The following GLG1 variants were observed in gnomAD, a reference collection of about 807,000 sequenced individuals.
GLG1 encodes golgi glycoprotein 1, also known as Golgi apparatus protein 1.
In GLG1, 38 loss-of-function variants were observed where a neutral mutation model predicts 160.5. That is an observed-to-expected ratio of 0.24 (90% CI 0.18 to 0.31). The LOEUF (loss-of-function observed/expected upper bound fraction) is 0.31, where lower values mean the gene tolerates loss of function less well. Among genes scored for constraint, GLG1 ranks in the 10% least tolerant of loss-of-function variants. GLG1 has a pLI of 1.00. For synonymous variants in GLG1, 644 were observed against 543.4 expected, an observed-to-expected ratio of 1.19 and a Z score of -2.57; for missense variants, 1,373 against 1,505.2, an observed-to-expected ratio of 0.91 and a Z score of 1.45.
rs565363181 is a variant in GLG1, at chr16:74,606,583, G to A, written c.438+74C>T. 54 of 1,302,270 alleles carry A rather than the reference G, an allele frequency of 4.1e-5. 1 individual carries two copies. The South Asian group carries it at 7.7e-4, about 19-fold the overall frequency. 80.7% of individuals were successfully genotyped at this position (1,302,270 alleles called of 1,614,324 possible). Reference sequence around the variant, plus strand: ...CAAGGAAAGCAGCCGACCGGCGTCAGCGGCTTCCAAGGCCGGCAACACCCT... The same window carrying A: ...CAAGGAAAGCAGCCGACCGGCGTCAACGGCTTCCAAGGCCGGCAACACCCT... On this transcript the variant is annotated intron_variant, in intron 1 of 25. Transcript: ENST00000422840.
At chr16:74,456,553 G>A (rs1460611868) in intron 25 of GLG1, 96 bp downstream of exon 25, 3 of 773,900 alleles carry the variant, frequency 3.9e-6, no homozygotes, top group Non-Finnish European at 6.8e-6. Context: ...ACAGCGAGGA[G>A]AGTGGCATGG....
Position 74,451,481 on chromosome 16 carries a change from C to T in GLG1, c.*1686G>A, listed in dbSNP as rs1342553233. 1 of 152,304 alleles carries T rather than the reference C, an allele frequency of 6.6e-6. No homozygotes were observed. The highest frequency in any genetic ancestry group is 1.5e-5 in the Non-Finnish European group (1 of 68,088). The allele number at this position is 152,304 out of a possible 1,614,324, so 9.4% of individuals were successfully genotyped here. A position where few individuals can be genotyped will look rare whatever the true frequency, so the allele number is the denominator to read the frequency against. On this transcript the variant is annotated 3_prime_UTR_variant, in exon 26 of 26. Coordinates refer to ENST00000422840, the MANE Select transcript of GLG1 (RefSeq NM_001145667.2). Reference sequence around the variant, plus strand: ...TTGGATCAACTGATCCACAAACTGACACGCCTTGTACTGAACACCCTTCAG... The same window carrying T: ...TTGGATCAACTGATCCACAAACTGATACGCCTTGTACTGAACACCCTTCAG...
intron 4 of GLG1, 32 bp downstream of exon 4, chr16:74,503,499 C>T (rs775426338): frequency 7.2e-7 from 1 of 1,387,134 alleles, no homozygotes; most frequent in Non-Finnish European, 1.0e-6. Flanking sequence ...ATTTTAAGAC[C>T]CCTTTGTTGA....
At chr16:74,494,687 G>A (rs2016123114) in intron 6 of GLG1, 73 bp downstream of exon 6, 1 of 708,130 alleles carries the variant, frequency 1.4e-6, no homozygotes, top group African/African-American at 1.8e-5. Flanking sequence ...TTACAGGCGT[G>A]AGCCACCGTG....
chr16:74,472,423 T>A lies in GLG1; in HGVS notation c.2053-12A>T, dbSNP rs1169908298. 2 of 1,576,850 alleles carry A rather than the reference T, an allele frequency of 1.3e-6. No homozygotes were observed. The highest frequency in any genetic ancestry group is 1.7e-6 in the Non-Finnish European group (2 of 1,146,950). On this transcript the variant is annotated splice_polypyrimidine_tract_variant and intron_variant, in intron 13 of 25. Coordinates refer to ENST00000422840, the MANE Select transcript of GLG1 (RefSeq NM_001145667.2). The stretch of plus-strand genomic sequence containing the variant: ...TCTATTTGAATATCCTGTAGAAAAT[T>A]AAATATATTAATACTTCTGCTTTAG...
intron 12 of GLG1, 64 bp from the exon 13 acceptor site, chr16:74,474,696 A>G (rs2015334932): frequency 4.9e-6 from 4 of 812,530 alleles, no homozygotes; most frequent in African/African-American, 1.7e-5. Flanking sequence ...GCAAGGGGAG[A>G]TATCAGCGTC....
intron 8 of GLG1, among the ~76,000 whole-genome samples, chr16:74,489,403 G>A (rs2143364293): frequency 6.6e-6 from 1 of 152,024 alleles, no homozygotes; most frequent in South Asian, 2.1e-4. Context: ...CCCGGGAGGT[G>A]GATGCTGCTA....
intron 1 of GLG1, among the ~76,000 whole-genome samples, chr16:74,586,397 T>A (rs1024579380): frequency 6.6e-6 from 1 of 152,186 alleles, no homozygotes; most frequent in Non-Finnish European, 1.5e-5. Flanking sequence ...TTAGCTCAAC[T>A]CAATTACAAG....
At chr16:74,584,214 G>C (rs1012521617) in intron 1 of GLG1, among the ~76,000 whole-genome samples, 5 of 152,110 alleles carry the variant, frequency 3.3e-5, no homozygotes, top group Non-Finnish European at 5.9e-5. Flanking sequence ...CATTTCAATA[G>C]ACAGCCAGCT....
Position 74,600,369 on chromosome 16 carries a change from C to A in GLG1, c.438+6288G>T, listed in dbSNP as rs150537906. On this transcript the variant is annotated intron_variant, in intron 1 of 25. Transcript: ENST00000422840. ...GATCATGCCACTGCACTCCAGCCAG[C>A]CTGGGAGATAGAGTAAGACTTTCAA... 1.1e-4 allele frequency among the ~76,000 whole-genome samples: 16 copies of A among 150,216 alleles called. No individual in the cohort carries two copies. In the East Asian group the frequency reaches 2.6e-3, roughly 24 times the overall value.
chr16:74,541,869 T>C (rs1255109176), intron 1 of GLG1, among the ~76,000 whole-genome samples: 1 of 151,576 alleles, frequency 6.6e-6, no homozygotes, highest in Admixed American at 6.6e-5. Context: ...TTTTATACCA[T>C]GTGTAAGAAA....
At chr16:74,585,899 C>T (rs1405497841) in intron 1 of GLG1, among the ~76,000 whole-genome samples, 1 of 151,776 alleles carries the variant, frequency 6.6e-6, no homozygotes, top group Non-Finnish European at 1.5e-5. Flanking sequence ...CCTGTTCCTA[C>T]TGAAAATACA....
chr16:74,557,011 G>A (rs2018372011), intron 1 of GLG1, among the ~76,000 whole-genome samples: 1 of 152,006 alleles, frequency 6.6e-6, no homozygotes, highest in African/African-American at 2.4e-5. Flanking sequence ...TAATTTGGCA[G>A]GAGGAAGATT....
intron 1 of GLG1, among the ~76,000 whole-genome samples, chr16:74,577,884 T>G (rs2019048816): frequency 6.6e-6 from 1 of 151,764 alleles, no homozygotes; most frequent in African/African-American, 2.4e-5. Context: ...CCCAAAGTGC[T>G]GGGATTAAAA....
chr16:74,457,863 C>G lies in GLG1; in HGVS notation c.3265+11G>C, dbSNP rs1567454192. Reference sequence around the variant, plus strand: ...GTTCAGACAGGATCAAGAGTGAACACAGAGACTTACGACGCCCGCGGCCAG... The same window carrying G: ...GTTCAGACAGGATCAAGAGTGAACAGAGAGACTTACGACGCCCGCGGCCAG... On this transcript the variant is annotated intron_variant, in intron 24 of 25. Coordinates refer to ENST00000422840, the MANE Select transcript of GLG1 (RefSeq NM_001145667.2). The G allele has an allele frequency of 6.2e-7, 1 of 1,613,358 alleles. No homozygotes were observed. Among genetic ancestry groups the G allele is most frequent in the South Asian group, 1.1e-5 (1 of 91,008 alleles).
intron 1 of GLG1, among the ~76,000 whole-genome samples, chr16:74,563,604 G>A (rs933681615): frequency 1.3e-5 from 2 of 151,970 alleles, no homozygotes; most frequent in African/African-American, 4.8e-5. Context: ...GCGTGTGCCT[G>A]TAGTCCCAGC....
At chr16:74,494,069 G>A (rs933226690) in intron 6 of GLG1, among the ~76,000 whole-genome samples, 1 of 151,906 alleles carries the variant, frequency 6.6e-6, no homozygotes, top group African/African-American at 2.4e-5. Flanking sequence ...TAGCTACTAG[G>A]GAGGCTGAGG....
chr16:74,469,725 A>G (rs750029550), intron 16 of GLG1: 5 of 490,044 alleles, frequency 1.0e-5, no homozygotes, highest in Non-Finnish European at 1.5e-5. Context: ...ATCCAGCCCT[A>G]CTTGGTCAGT....
chr16:74,479,867 G>C (rs2015534488), intron 11 of GLG1, among the ~76,000 whole-genome samples: 1 of 152,188 alleles, frequency 6.6e-6, no homozygotes, highest in African/African-American at 2.4e-5. Context: ...AATGTGTTCA[G>C]CTGCCAAGAG....
Sources: allele counts gnomAD v4.1 joint callset (sites outside exome capture counted in the v4.1 genomes callset), GRCh38; gene constraint gnomAD v4.1.1; transcripts MANE v1.5; gene names NCBI Gene and HGNC (gene_info 2026-07-23, HGNC 2026-07-21).